Variants in CRISPLD2 observed in about 807,000 individuals in gnomAD.
CRISPLD2 encodes the protein cysteine-rich secretory protein LCCL domain-containing 2.
Under a neutral mutation model 71.1 loss-of-function variants are expected in CRISPLD2, and 47 were observed. The observed-to-expected ratio is 0.66, with a 90% CI of 0.52 to 0.84. CRISPLD2 has a LOEUF of 0.84. CRISPLD2 is among the 40% of genes least tolerant of loss of function. The pLI is 0.00. For missense variants in CRISPLD2, 830 were observed against 651.1 expected, an observed-to-expected ratio of 1.27 and a Z score of -2.99; for synonymous variants, 317 against 250.1, an observed-to-expected ratio of 1.27 and a Z score of -2.52.
chr16:84,867,410 C>A (rs1020785634), intron 7 of CRISPLD2, among the ~76,000 whole-genome samples: 1 of 152,192 alleles, frequency 6.6e-6, no homozygotes, highest in African/African-American at 2.4e-5. Context: ...AGGTTCCACT[C>A]CTTTCTCACC....
chr16:84,832,586 A>G (rs1457264748), intron 1 of CRISPLD2, among the ~76,000 whole-genome samples: 1 of 152,254 alleles, frequency 6.6e-6, no homozygotes, highest in East Asian at 1.9e-4. Context: ...GGAGGTTTCT[A>G]GGAAGCCGTG....
chr16:84,871,748 T>G (rs1472271144), intron 8 of CRISPLD2, among the ~76,000 whole-genome samples: 3 of 151,882 alleles, frequency 2.0e-5, no homozygotes, highest in Non-Finnish European at 4.4e-5. Flanking sequence ...GATGGGTTTT[T>G]GCCATCTTGG....
intron 3 of CRISPLD2, among the ~76,000 whole-genome samples, chr16:84,848,474 AT>A (rs74265427): frequency 1.5e-3 from 224 of 149,460 alleles, no homozygotes; most frequent in African/African-American, 3.5e-3. Context: ...AAAAAAAAAA[AT>A]GGTGCCAACC....
chr16:84,880,304 C>T (rs998442256), intron 12 of CRISPLD2, among the ~76,000 whole-genome samples: 1 of 152,162 alleles, frequency 6.6e-6, no homozygotes, highest in Non-Finnish European at 1.5e-5. Flanking sequence ...ATTCTATCTA[C>T]ACTGTTTAAG....
Position 84,889,693 on chromosome 16 carries a change from A to T in CRISPLD2, c.1439+330A>T, listed in dbSNP as rs983341197. Among the ~76,000 whole-genome samples, 9 of 151,152 alleles carry T rather than the reference A, an allele frequency of 6.0e-5. No homozygotes were observed. The South Asian group carries it at 1.3e-3, about 21-fold the overall frequency. Reference sequence around the variant, plus strand: ...GAAGATAAACAGTCATCCATAACTCATCAGCTGGGAGAATTTACTGTTAGA... The same window carrying T: ...GAAGATAAACAGTCATCCATAACTCTTCAGCTGGGAGAATTTACTGTTAGA... On this transcript the variant is annotated intron_variant, in intron 14 of 14. Transcript: ENST00000262424.
At position 84,849,892 on chromosome 16, in the gene CRISPLD2, A is replaced by AT. The variant is rs67724936; in HGVS notation, c.492+392dup. Among the ~76,000 whole-genome samples, 648 of 130,006 alleles carry AT rather than the reference A, an allele frequency of 5.0e-3. 6 individuals are homozygous for AT. The highest frequency in any genetic ancestry group is 0.018 in the African/African-American group (569 of 31,012). 85.3% of individuals were successfully genotyped at this position (130,006 alleles called of 152,430 possible). ...ACTACGAGGCCTGGCTAATTTTTGTATTTTTTTTTTTTTTTTTAGAGATGG... is the reference window on the plus strand; with the variant it reads ...ACTACGAGGCCTGGCTAATTTTTGTATTTTTTTTTTTTTTTTTTAGAGATGG... On this transcript the variant is annotated intron_variant, in intron 4 of 14. Transcript: ENST00000262424.
rs1398922014 is a variant in CRISPLD2, at chr16:84,850,589, A to C, written c.514A>C (p.Lys172Gln). The change falls in exon 5 of 15, where the codon AAG becomes CAG. Residue 172 changes from lysine (K) to glutamine (Q), a missense_variant. Coordinates refer to ENST00000262424, the MANE Select transcript of CRISPLD2 (RefSeq NM_031476.4). ...YTQIVWATTNKIGCAVNTCRK... is the reference protein window; with the variant it reads ...YTQIVWATTNQIGCAVNTCRK... ...TCAGATAGTTTGGGCCACCACCAAC[A>C]AGATCGGTTGTGCTGTGAACACCTG... 1.2e-6 allele frequency: 2 copies of C among 1,614,160 alleles called. No homozygotes were observed. Among genetic ancestry groups the C allele is most frequent in the South Asian group, 1.1e-5 (1 of 91,082 alleles).
At chr16:84,843,209 C>G (rs1597453038) in intron 2 of CRISPLD2, among the ~76,000 whole-genome samples, 1 of 152,294 alleles carries the variant, frequency 6.6e-6, no homozygotes, top group African/African-American at 2.4e-5. Context: ...TACCTCGGAG[C>G]AAGGAGGCTG....
intron 13 of CRISPLD2, among the ~76,000 whole-genome samples, chr16:84,882,333 CT>C (rs2071574938): frequency 1.1e-5 from 1 of 91,484 alleles, no homozygotes; most frequent in South Asian, 3.5e-4. Context: ...AATATAGCAG[CT>C]AAACCAATAA....
intron 2 of CRISPLD2, among the ~76,000 whole-genome samples, chr16:84,844,348 G>A (rs1201747271): frequency 2.6e-5 from 4 of 152,226 alleles, no homozygotes; most frequent in Admixed American, 2.0e-4. Flanking sequence ...TCTCATTGTG[G>A]TAAAGTATAC....
intron 6 of CRISPLD2, among the ~76,000 whole-genome samples, chr16:84,866,239 GT>G (rs11409128): frequency 2.7e-5 from 4 of 148,280 alleles, no homozygotes; most frequent in African/African-American, 2.5e-5. Flanking sequence ...TTGTTTTTTG[GT>G]TTTTTTTTTT....
chr16:84,870,438 G>C (rs1216190384), intron 8 of CRISPLD2, among the ~76,000 whole-genome samples: 2 of 151,624 alleles, frequency 1.3e-5, no homozygotes. Flanking sequence ...TCCCACCTCA[G>C]CCTCCCGCGT....
At position 84,838,633 on chromosome 16, in the gene CRISPLD2, G is replaced by C; in HGVS notation, c.138G>C (p.Arg46=). Residue 46 remains arginine (R), a synonymous_variant, in exon 2 of 15, where the codon CGG becomes CGC. Coordinates refer to ENST00000262424, the MANE Select transcript of CRISPLD2 (RefSeq NM_031476.4). ...ACCAGCACAACGAGTCTCACTCCCG[G>C]GTCCGCAGAGCCATCCCCAGGGAGG... ...SKYQHNESHS[R]VRRAIPREDK... 1.6e-5 allele frequency: 26 copies of C among 1,614,226 alleles called. No individual in the cohort carries two copies. The highest frequency in any genetic ancestry group is 2.2e-5 in the Non-Finnish European group (26 of 1,180,038).
chr16:84,852,064 C>T (rs1372750292), intron 5 of CRISPLD2, among the ~76,000 whole-genome samples: 6 of 150,956 alleles, frequency 4.0e-5, no homozygotes, highest in Admixed American at 6.6e-5. Context: ...GTGGCAGCAT[C>T]GGGCTCCAGT....
chr16:84,879,703 T>C (rs2071551964), intron 12 of CRISPLD2, among the ~76,000 whole-genome samples: 1 of 151,862 alleles, frequency 6.6e-6, no homozygotes, highest in South Asian at 2.1e-4. Flanking sequence ...CCTTTCTCTC[T>C]ACCCACTCAT....
intron 8 of CRISPLD2, among the ~76,000 whole-genome samples, chr16:84,871,100 G>A (rs917726521): frequency 6.6e-6 from 1 of 152,126 alleles, no homozygotes; most frequent in Non-Finnish European, 1.5e-5. Flanking sequence ...TATGCTTGCA[G>A]GTCTGGCTTT....
chr16:84,831,658 A>C (rs1916492125), intron 1 of CRISPLD2, among the ~76,000 whole-genome samples: 1 of 152,180 alleles, frequency 6.6e-6, no homozygotes, highest in African/African-American at 2.4e-5. Flanking sequence ...CTCCCAGCTC[A>C]ACATCCCAAA....
At chr16:84,866,181 G>T (rs1445388814) in intron 6 of CRISPLD2, among the ~76,000 whole-genome samples, 1 of 152,186 alleles carries the variant, frequency 6.6e-6, no homozygotes, top group South Asian at 2.1e-4. Context: ...AGGGACAGGG[G>T]ACTTCCAGCA....
chr16:84,873,877 C>T (rs954658278), intron 10 of CRISPLD2, 43 bp from the exon 11 acceptor site: 5 of 1,525,276 alleles, frequency 3.3e-6, no homozygotes, highest in Non-Finnish European at 4.4e-6. Flanking sequence ...ATTCTATTTG[C>T]ATTTACCTAA....
Sources: allele counts gnomAD v4.1 joint callset (sites outside exome capture counted in the v4.1 genomes callset), GRCh38; gene constraint gnomAD v4.1.1; transcripts MANE v1.5; gene names NCBI Gene and HGNC (gene_info 2026-07-23, HGNC 2026-07-21).